The following CPNE5 variants were observed in gnomAD, a reference collection of about 807,000 sequenced individuals.
CPNE5 encodes the protein copine 5, also known as copine-5.
Under a neutral mutation model 81.1 loss-of-function variants are expected in CPNE5, and 42 were observed. The observed-to-expected ratio is 0.52, with a 90% CI of 0.40 to 0.67. The LOEUF (loss-of-function observed/expected upper bound fraction) is 0.67. Ranked by LOEUF, CPNE5 falls within the 30% of genes least tolerant of loss-of-function variation. The pLI is 0.00. For synonymous variants in CPNE5, 313 were observed against 321.5 expected (o/e 0.97, Z 0.28); for missense variants, 612 against 815.5 (o/e 0.75, Z 3.04).
chr6:36,768,225 C>CTTTTTTTTTTTTTTTTTTTTTTTT (rs10586762), intron 10 of CPNE5, among the ~76,000 whole-genome samples: 6 of 60,514 alleles, frequency 9.9e-5, no homozygotes, highest in Non-Finnish European at 1.8e-4. Context: ...ATTCACAGTT[C>CTTTTTTTTTTTTTTTTTTTTTTTT]TTTTTTTTTT....
chr6:36,766,019 C>T lies in CPNE5; in HGVS notation c.738-643G>A, dbSNP rs922051534. Among the ~76,000 whole-genome samples the T allele has an allele frequency of 2.6e-5, 4 of 152,178 alleles. No individual in the cohort carries two copies. The highest frequency in any genetic ancestry group is 2.1e-4 in the South Asian group (1 of 4,830). On this transcript the variant is annotated intron_variant, in intron 10 of 20. Coordinates refer to ENST00000244751, the MANE Select transcript of CPNE5 (RefSeq NM_020939.2). The surrounding 1 kb of genome is among the most constrained non-coding windows in gnomAD (Gnocchi z 4.2). Reference sequence around the variant, plus strand: ...TTTGAGAGCCCATTTTATTTTTAGCCACGTTCCCATGGCAACAGGCTAGCG... The same window carrying T: ...TTTGAGAGCCCATTTTATTTTTAGCTACGTTCCCATGGCAACAGGCTAGCG...
chr6:36,820,229 C>A (rs1771916258), intron 3 of CPNE5, among the ~76,000 whole-genome samples: 1 of 152,118 alleles, frequency 6.6e-6, no homozygotes, highest in South Asian at 2.1e-4. Context: ...AAAACATTCT[C>A]CTGTGAGGGC....
At position 36,803,326 on chromosome 6, in the gene CPNE5, C is replaced by T. The variant is rs1371757577; in HGVS notation, c.184-3256G>A. Among the ~76,000 whole-genome samples the T allele has an allele frequency of 9.9e-5, 15 of 152,160 alleles. 1 individual carries two copies. Among genetic ancestry groups the T allele is most frequent in the Non-Finnish European group, 2.2e-4 (15 of 68,034 alleles). ...GCTCCCTGGCCATCCTGTTCTCCAA[C>T]TCCCCACCCCTCCTGTGTGCGCCCA... On this transcript the variant is annotated intron_variant, in intron 3 of 20. Transcript: ENST00000244751.
intron 3 of CPNE5, among the ~76,000 whole-genome samples, chr6:36,821,667 A>G (rs1772065028): frequency 6.6e-6 from 1 of 152,152 alleles, no homozygotes; most frequent in South Asian, 2.1e-4. Flanking sequence ...CCGGGACTTG[A>G]TTCAATGCAG....
chr6:36,742,758 C>T (rs1763681552), intron 20 of CPNE5: 1 of 985,460 alleles, frequency 1.0e-6, no homozygotes, highest in Non-Finnish European at 1.2e-6. Context: ...ACGATTTCTC[C>T]ACCTCGGCAC....
At position 36,823,096 on chromosome 6, in the gene CPNE5, T is replaced by G; in HGVS notation, c.98A>C (p.Asn33Thr). The change falls in exon 2 of 21, where the codon AAC (asparagine) becomes ACC (threonine). Residue 33 changes from asparagine to threonine, a missense_variant and splice_region_variant. Physicochemically the swap from Asn to Thr is moderately conservative, Grantham distance 65. Coordinates refer to ENST00000244751, the MANE Select transcript of CPNE5 (RefSeq NM_020939.2). ...GGAAAACATGTCTTTGTCCAGGAGG[T>G]TCCTGAAAGAGGGGGAGAGAGGAGG... ...TKVEITVSCRNLLDKDMFSKS... is the reference protein window; with the variant it reads ...TKVEITVSCRTLLDKDMFSKS... The G allele has an allele frequency of 6.4e-7, 1 of 1,566,942 alleles. No individual in the cohort carries two copies. The highest frequency in any genetic ancestry group is 1.8e-5 in the Admixed American group (1 of 55,570).
chr6:36,793,415 G>A (rs776932433), intron 7 of CPNE5, among the ~76,000 whole-genome samples: 2 of 152,120 alleles, frequency 1.3e-5, no homozygotes, highest in Non-Finnish European at 2.9e-5. Flanking sequence ...CTCCCCACCC[G>A]CTGGTCTGGT....
At chr6:36,763,564 C>T (rs1252586247) in intron 11 of CPNE5, among the ~76,000 whole-genome samples, 1 of 146,550 alleles carries the variant, frequency 6.8e-6, no homozygotes, top group Admixed American at 6.9e-5. Flanking sequence ...GATTGTGTCA[C>T]TGCACTCCAG....
At chr6:36,834,036 C>T (rs1773192019) in intron 1 of CPNE5, among the ~76,000 whole-genome samples, 1 of 151,606 alleles carries the variant, frequency 6.6e-6, no homozygotes. Context: ...GCCAATCAGC[C>T]TGGGCAACCG....
chr6:36,837,209 A>C (rs764638767), intron 1 of CPNE5, among the ~76,000 whole-genome samples: 1 of 152,248 alleles, frequency 6.6e-6, no homozygotes, highest in Non-Finnish European at 1.5e-5. Flanking sequence ...CCACTCCTGC[A>C]AGTTAATTCC....
At chr6:36,826,740 A>G (rs749084638) in intron 1 of CPNE5, among the ~76,000 whole-genome samples, 13 of 152,164 alleles carry the variant, frequency 8.5e-5, no homozygotes, top group Non-Finnish European at 1.6e-4. Context: ...CGAAGCCCGT[A>G]TCTCCCCACC....
chr6:36,836,573 G>A (rs1347567875), intron 1 of CPNE5, among the ~76,000 whole-genome samples: 1 of 152,190 alleles, frequency 6.6e-6, no homozygotes, highest in East Asian at 1.9e-4. Context: ...CCACCAGCAG[G>A]TGTCACTCAG....
At chr6:36,812,366 A>C (rs7745099) in intron 3 of CPNE5, among the ~76,000 whole-genome samples, 34,214 of 151,980 alleles carry the variant, frequency 0.23, 4,038 homozygotes, top group East Asian at 0.27. Flanking sequence ...TAAGGAGGGG[A>C]AGGAAAGGGA....
At chr6:36,827,521 G>A (rs1772606773) in intron 1 of CPNE5, 1 of 985,294 alleles carries the variant, frequency 1.0e-6, no homozygotes, top group African/African-American at 1.7e-5. Flanking sequence ...GTCTCTGATG[G>A]CAGCCGTCCA....
In CPNE5 at chr6:36,746,325, C is replaced by T; in HGVS notation, c.1200+71G>A. 1 of 1,259,998 alleles carries T rather than the reference C, an allele frequency of 7.9e-7. No individual in the cohort carries two copies. The highest frequency in any genetic ancestry group is 1.4e-5 in the South Asian group (1 of 72,386). The allele number at this position is 1,259,998 out of a possible 1,614,324, so 78.1% of individuals were successfully genotyped here. On this transcript the variant is annotated intron_variant, in intron 16 of 20. Coordinates refer to ENST00000244751, the MANE Select transcript of CPNE5 (RefSeq NM_020939.2). This position sits in a 1 kb window ranked among gnomAD's most constrained non-coding sequence, Gnocchi z 4.5. ...CCCGGGCTCAGAGGAAGGGAAACGT[C>T]CCCCCACCCCCAGCTTGTCACCTCA...
intron 7 of CPNE5, among the ~76,000 whole-genome samples, chr6:36,793,872 A>T (rs1036057919): frequency 1.3e-5 from 2 of 152,202 alleles, no homozygotes; most frequent in Non-Finnish European, 2.9e-5. Context: ...AGGCCCCTCC[A>T]GGCAGAGGTT....
At chr6:36,744,122 C>A in intron 19 of CPNE5, 146 bp downstream of exon 19, 1 of 741,130 alleles carries the variant, frequency 1.3e-6, no homozygotes. Context: ...GCACACTCAC[C>A]CAGACACACA....
chr6:36,753,228 A>G (rs571280360), intron 13 of CPNE5, 133 bp from the exon 14 acceptor site: 1 of 658,864 alleles, frequency 1.5e-6, no homozygotes, highest in Non-Finnish European at 2.8e-6. Flanking sequence ...CACTGCCCAC[A>G]CCACCCCATG....
intron 7 of CPNE5, among the ~76,000 whole-genome samples, chr6:36,792,962 A>G (rs1769234271): frequency 6.6e-6 from 1 of 151,800 alleles, no homozygotes; most frequent in Admixed American, 6.6e-5. Context: ...TCATTCCTGT[A>G]CCTCTCTGAG....
Sources: allele counts gnomAD v4.1 joint callset (sites outside exome capture counted in the v4.1 genomes callset), GRCh38; gene constraint gnomAD v4.1.1; non-coding constraint Gnocchi (gnomAD v3.1); transcripts MANE v1.5; gene names NCBI Gene and HGNC (gene_info 2026-07-23, HGNC 2026-07-21).